Variants in CSMD1 observed in about 807,000 individuals in gnomAD.
CSMD1 encodes CUB and Sushi multiple domains 1, also known as CUB and sushi domain-containing protein 1.
Under a neutral mutation model 417.5 loss-of-function variants are expected in CSMD1, and 213 were observed. The ratio of observed to expected loss-of-function variants is 0.51; its 90% CI spans 0.46 to 0.57. The LOEUF is 0.57. CSMD1 is among the 20% of genes least tolerant of loss of function. The pLI, the probability that CSMD1 is intolerant of heterozygous loss-of-function variation, is 0.00. For synonymous variants in CSMD1, 2,862 were observed against 1,736.8 expected (o/e 1.65, Z -16.11); for missense variants, 6,923 against 4,529.7 (o/e 1.53, Z -15.17).
intron 3 of CSMD1, among the ~76,000 whole-genome samples, chr8:4,327,095 A>T (rs4560811): frequency 0.99 from 150,101 of 152,216 alleles, 74,042 homozygotes; most frequent in Middle Eastern, 1. Flanking sequence ...CATATTCTTG[A>T]ACAGGAGAGG....
At chr8:4,923,079 A>G (rs961074729) in intron 1 of CSMD1, among the ~76,000 whole-genome samples, 1 of 152,220 alleles carries the variant, frequency 6.6e-6, no homozygotes, top group Non-Finnish European at 1.5e-5. Context: ...GAACAATCTT[A>G]AAAAATGATT....
At chr8:3,481,562 T>G (rs1464348779) in intron 11 of CSMD1, among the ~76,000 whole-genome samples, 3 of 152,186 alleles carry the variant, frequency 2.0e-5, no homozygotes, top group Admixed American at 6.5e-5. Context: ...GAAACTTACT[T>G]TTCAGATGAA....
intron 5 of CSMD1, among the ~76,000 whole-genome samples, chr8:3,839,066 A>G (rs1802922242): frequency 1.6e-5 from 2 of 126,842 alleles, no homozygotes; most frequent in Admixed American, 9.6e-5. Context: ...TAGCCTATAG[A>G]TATATAGCCT....
At chr8:3,810,676 G>A (rs146504675) in intron 5 of CSMD1, among the ~76,000 whole-genome samples, 1 of 152,278 alleles carries the variant, frequency 6.6e-6, no homozygotes, top group African/African-American at 2.4e-5. Context: ...GCTTTTCTGG[G>A]ATAGAATAGA....
At chr8:4,011,500 G>C (rs17068538) in intron 4 of CSMD1, among the ~76,000 whole-genome samples, 16,335 of 151,998 alleles carry the variant, frequency 0.11, 1,048 homozygotes, top group South Asian at 0.22. Flanking sequence ...GAACCCACTT[G>C]AGTCAGAGTT....
chr8:3,459,007 G>C (rs1387233412), intron 12 of CSMD1, among the ~76,000 whole-genome samples: 3 of 152,222 alleles, frequency 2.0e-5, no homozygotes, highest in African/African-American at 7.2e-5. Context: ...GGGAAGGGTT[G>C]TTTCCTACCC....
intron 4 of CSMD1, among the ~76,000 whole-genome samples, chr8:4,026,468 G>A (rs1198427169): frequency 1.3e-5 from 2 of 152,082 alleles, no homozygotes; most frequent in Non-Finnish European, 2.9e-5. Flanking sequence ...TACGATTATG[G>A]AAATTTTAAA....
At chr8:4,427,579 G>A (rs7815599) in intron 2 of CSMD1, among the ~76,000 whole-genome samples, 3,099 of 151,994 alleles carry the variant, frequency 0.02, 124 homozygotes, top group African/African-American at 0.069. Flanking sequence ...TAAAATGTCC[G>A]CCATCATTTG....
intron 37 of CSMD1, among the ~76,000 whole-genome samples, chr8:3,179,915 C>T (rs978660192): frequency 6.6e-6 from 1 of 152,060 alleles, no homozygotes; most frequent in East Asian, 1.9e-4. Flanking sequence ...AAAATTTAAC[C>T]AGAATGTGAA....
At position 4,725,022 on chromosome 8, in the gene CSMD1, A is replaced by G. The variant is rs190564350; in HGVS notation, c.86-87464T>C. On this transcript the variant is annotated intron_variant, in intron 1 of 69. Coordinates refer to ENST00000635120, the MANE Select transcript of CSMD1 (RefSeq NM_033225.6). Reference sequence around the variant, plus strand: ...AAAGTCGTGAAAGAACACGTTTTAAATATTTATACTTTTGCTATTTTAAAC... The same window carrying G: ...AAAGTCGTGAAAGAACACGTTTTAAGTATTTATACTTTTGCTATTTTAAAC... Among the ~76,000 whole-genome samples, 178 of 152,276 alleles carry G rather than the reference A, an allele frequency of 1.2e-3. 1 individual carries two copies. The highest frequency in any genetic ancestry group is 3.9e-3 in the African/African-American group (162 of 41,574).
At chr8:3,915,529 C>G (rs544550302) in intron 5 of CSMD1, among the ~76,000 whole-genome samples, 11 of 150,980 alleles carry the variant, frequency 7.3e-5, no homozygotes, top group Non-Finnish European at 1.5e-4. Flanking sequence ...GTTGATCATA[C>G]GATCAAATTC....
At chr8:4,273,408 C>A (rs912358669) in intron 3 of CSMD1, among the ~76,000 whole-genome samples, 1 of 152,050 alleles carries the variant, frequency 6.6e-6, no homozygotes. Flanking sequence ...ACCGGTGCAA[C>A]CCTGCTCAGG....
intron 1 of CSMD1, among the ~76,000 whole-genome samples, chr8:4,704,736 A>C (rs1226450205): frequency 6.6e-6 from 1 of 152,112 alleles, no homozygotes; most frequent in Non-Finnish European, 1.5e-5. Context: ...TGTCCTTTCA[A>C]ATGTTCTGGA....
chr8:4,927,244 G>C lies in CSMD1; in HGVS notation c.85+67088C>G, dbSNP rs562392793. Reference sequence around the variant, plus strand: ...CTAATTTTTTTTTATTTTTAGTAGAGACAGGGTTTCACCATCTTGGCTAGG... The same window carrying C: ...CTAATTTTTTTTTATTTTTAGTAGACACAGGGTTTCACCATCTTGGCTAGG... On this transcript the variant is annotated intron_variant, in intron 1 of 69. Transcript: ENST00000635120. Among the ~76,000 whole-genome samples, 1,339 of 151,912 alleles carry C rather than the reference G, an allele frequency of 8.8e-3. 20 individuals are homozygous for C. Among genetic ancestry groups the C allele is most frequent in the African/African-American group, 0.03 (1,258 of 41,376 alleles).
intron 5 of CSMD1, among the ~76,000 whole-genome samples, chr8:3,990,313 G>A (rs905039502): frequency 2.0e-5 from 3 of 152,132 alleles, no homozygotes; most frequent in Non-Finnish European, 4.4e-5. Flanking sequence ...TCAATAAAAT[G>A]AGGTTAATTT....
At chr8:4,347,433 G>C (rs1800835938) in intron 3 of CSMD1, among the ~76,000 whole-genome samples, 1 of 152,060 alleles carries the variant, frequency 6.6e-6, no homozygotes, top group Non-Finnish European at 1.5e-5. Context: ...AAATATTTTA[G>C]CCAAACACAC....
At chr8:4,522,563 G>A (rs1215786812) in intron 2 of CSMD1, among the ~76,000 whole-genome samples, 1 of 152,168 alleles carries the variant, frequency 6.6e-6, no homozygotes, top group Non-Finnish European at 1.5e-5. Context: ...TGATAATTCT[G>A]TTGCAATAAT....
At chr8:3,534,983 T>G (rs911536966) in intron 10 of CSMD1, among the ~76,000 whole-genome samples, 6 of 152,198 alleles carry the variant, frequency 3.9e-5, no homozygotes, top group Non-Finnish European at 5.9e-5. Context: ...CATCTGGCTT[T>G]GTCGCCCAGG....
At chr8:3,530,680 G>A (rs1047873486) in intron 10 of CSMD1, among the ~76,000 whole-genome samples, 6 of 151,592 alleles carry the variant, frequency 4.0e-5, no homozygotes, top group Non-Finnish European at 8.8e-5. Flanking sequence ...ACAGGCACCC[G>A]CCACCACAGC....
Sources: allele counts gnomAD v4.1 joint callset (sites outside exome capture counted in the v4.1 genomes callset), GRCh38; gene constraint gnomAD v4.1.1; transcripts MANE v1.5; gene names NCBI Gene and HGNC (gene_info 2026-07-23, HGNC 2026-07-21).